The following LARGE1 variants were observed in gnomAD, a reference collection of about 807,000 sequenced individuals.
The protein encoded by LARGE1 is xylosyl- and glucuronyltransferase LARGE1.
LARGE1 carries 43 observed loss-of-function variants against 87.6 expected under a neutral mutation model. That is an observed-to-expected ratio of 0.49 (90% CI 0.38 to 0.63). The LOEUF is 0.63. Ranked by LOEUF, LARGE1 falls within the 30% of genes least tolerant of loss-of-function variation. LARGE1 has a pLI of 0.00. For synonymous variants in LARGE1, 434 were observed against 394.6 expected, an observed-to-expected ratio of 1.10 and a Z score of -1.18; for missense variants, 802 against 1,000.2, an observed-to-expected ratio of 0.80 and a Z score of 2.67.
At chr22:33,803,431 A>G (rs1453311238) in intron 1 of LARGE1, among the ~76,000 whole-genome samples, 1 of 152,184 alleles carries the variant, frequency 6.6e-6, no homozygotes, top group Non-Finnish European at 1.5e-5. Context: ...GTAAATGCTA[A>G]TGGAATTCAT....
chr22:33,883,109 C>G (rs2064745879), intron 1 of LARGE1, among the ~76,000 whole-genome samples: 2 of 152,146 alleles, frequency 1.3e-5, no homozygotes, highest in African/African-American at 4.8e-5. Context: ...CGGCAGGAAG[C>G]TGCTGTTATC....
intron 2 of LARGE1, 68 bp downstream of exon 2, chr22:33,761,303 T>C: frequency 3.2e-6 from 4 of 1,248,412 alleles, no homozygotes; most frequent in Non-Finnish European, 4.7e-6. Context: ...GTTTCTTTTC[T>C]AGGGTTCTAT....
At chr22:33,326,059 G>T (rs1937214074) in intron 10 of LARGE1, among the ~76,000 whole-genome samples, 1 of 152,170 alleles carries the variant, frequency 6.6e-6, no homozygotes. Context: ...GTTGCCTGCT[G>T]TGTGTATTAA....
At chr22:33,129,792 G>A in the LARGE1 span, among the ~76,000 whole-genome samples, 2 of 152,122 alleles carry the variant, frequency 1.3e-5, no homozygotes, top group Non-Finnish European at 2.9e-5. Context: ...ACTTAAAACC[G>A]TCAGATCTCA....
In LARGE1 at chr22:33,277,063, C is replaced by T. The variant is rs771631103; in HGVS notation, c.2070G>A (p.Val690=). The change falls in exon 14 of 15, where the codon GTG becomes GTA. Residue 690 remains valine (V), a synonymous_variant. Transcript: ENST00000397394. The part of the protein sequence containing the change: ...NKVAHIMELD[V]QEYEFIVLPN... ...GTGGATGCTCCGTTCTTCTCACCTG[C>T]ACATCCAGCTCCATGATATGAGCCA... The T allele has an allele frequency of 8.1e-6, 13 of 1,614,116 alleles. No individual in the cohort carries two copies. The South Asian group carries it at 1.3e-4, about 16-fold the overall frequency.
the LARGE1 span, among the ~76,000 whole-genome samples, chr22:33,112,214 G>A: frequency 6.6e-6 from 1 of 152,216 alleles, no homozygotes; most frequent in Non-Finnish European, 1.5e-5. Context: ...GTGGTGGCCT[G>A]AGCCAGAAAG....
chr22:33,381,105 A>G (rs1254157631), intron 9 of LARGE1, among the ~76,000 whole-genome samples: 1 of 152,170 alleles, frequency 6.6e-6, no homozygotes. Flanking sequence ...AAAACACCAT[A>G]CTGGCTTGCT....
intron 1 of LARGE1, among the ~76,000 whole-genome samples, chr22:33,849,180 C>T (rs2063514552): frequency 6.6e-6 from 1 of 152,164 alleles, no homozygotes; most frequent in Non-Finnish European, 1.5e-5. Context: ...ATGCTTTTGC[C>T]TCCCGGAGTC....
chr22:33,334,150 T>C lies in LARGE1; in HGVS notation c.1287+3496A>G, dbSNP rs1037595954. Among the ~76,000 whole-genome samples, 67 of 150,726 alleles carry C rather than the reference T, an allele frequency of 4.4e-4. 1 individual carries two copies. The highest frequency in any genetic ancestry group is 1.3e-4 in the Non-Finnish European group (9 of 67,770). On this transcript the variant is annotated intron_variant, in intron 10 of 14. Transcript: ENST00000397394. ...AAAAAAAGCCAGGCGCGGTGGCTCA[T>C]GCCTGTAATCCCAGCACTTTGGGAG... is the stretch of plus-strand genomic sequence containing the variant.
chr22:33,642,411 G>C (rs914578190), intron 3 of LARGE1, among the ~76,000 whole-genome samples: 14 of 152,086 alleles, frequency 9.2e-5, no homozygotes, highest in Non-Finnish European at 1.9e-4. Flanking sequence ...GGAAAAACTA[G>C]CACCAGCCAC....
chr22:33,197,880 A>G (rs534801755), intron 11 of LARGE1, among the ~76,000 whole-genome samples: 1 of 150,918 alleles, frequency 6.6e-6, no homozygotes, highest in East Asian at 1.9e-4. Context: ...ATAACTCTAT[A>G]GCAATCAAAT....
At chr22:33,759,964 G>A (rs2084663759) in intron 2 of LARGE1, among the ~76,000 whole-genome samples, 1 of 152,132 alleles carries the variant, frequency 6.6e-6, no homozygotes, top group Admixed American at 6.5e-5. Flanking sequence ...CTCGGCACTG[G>A]GCTGAGCATC....
Position 33,534,874 on chromosome 22 carries a change from A to C in LARGE1, c.787+29974T>G, listed in dbSNP as rs574250868. ...GCGCTCCATCTGTAAAACCCCCAAA[A>C]GATACTGGCAGTGCTGAAATGCAGA... On this transcript the variant is annotated intron_variant, in intron 6 of 14. Coordinates refer to ENST00000397394, the MANE Select transcript of LARGE1 (RefSeq NM_133642.5). Among the ~76,000 whole-genome samples the C allele has an allele frequency of 3.7e-3, 570 of 152,322 alleles. 1 individual carries two copies. Among genetic ancestry groups the C allele is most frequent in the Non-Finnish European group, 6.6e-3 (451 of 68,028 alleles).
chr22:33,301,617 G>A (rs756606225), intron 12 of LARGE1, among the ~76,000 whole-genome samples: 1 of 152,196 alleles, frequency 6.6e-6, no homozygotes, highest in South Asian at 2.1e-4. Context: ...TGAGACCAGG[G>A]CTCTGGTCTC....
intron 7 of LARGE1, among the ~76,000 whole-genome samples, chr22:33,425,538 G>C (rs2066846244): frequency 6.6e-6 from 1 of 152,144 alleles, no homozygotes; most frequent in Admixed American, 6.5e-5. Context: ...AGAACCTACA[G>C]TACAAAAGAA....
At chr22:33,532,274 A>C (rs2072243289) in intron 6 of LARGE1, among the ~76,000 whole-genome samples, 1 of 152,196 alleles carries the variant, frequency 6.6e-6, no homozygotes, top group African/African-American at 2.4e-5. Flanking sequence ...CACCTGTTCT[A>C]ACCACCTTTG....
At chr22:33,612,730 C>T (rs2079474429) in intron 4 of LARGE1, among the ~76,000 whole-genome samples, 1 of 152,166 alleles carries the variant, frequency 6.6e-6, no homozygotes, top group African/African-American at 2.4e-5. Flanking sequence ...TGTGTGAGTT[C>T]CTAGGAACTG....
chr22:33,090,248 C>T, the LARGE1 span, among the ~76,000 whole-genome samples: 5 of 152,094 alleles, frequency 3.3e-5, no homozygotes, highest in Non-Finnish European at 5.9e-5. Flanking sequence ...AAAATAAATT[C>T]CTGCCCTCAT....
At chr22:33,679,165 A>G (rs1405366434) in intron 2 of LARGE1, among the ~76,000 whole-genome samples, 2 of 152,208 alleles carry the variant, frequency 1.3e-5, no homozygotes, top group African/African-American at 2.4e-5. Context: ...CTCAGTATCT[A>G]GAACAGTGCC....
Sources: gnomAD v4.1 joint callset for allele counts (sites outside exome capture counted in the v4.1 genomes callset) on GRCh38, gnomAD v4.1.1 for gene constraint, MANE v1.5 for transcripts, NCBI Gene and HGNC (gene_info 2026-07-23, HGNC 2026-07-21) for gene names.